Variants in PSMA7 observed in about 807,000 individuals in gnomAD.
PSMA7 encodes the protein proteasome subunit alpha type-7.
PSMA7 carries 5 observed loss-of-function variants against 31.3 expected under a neutral mutation model. The observed-to-expected ratio is 0.16, with a 90% CI of 0.08 to 0.34. The LOEUF (loss-of-function observed/expected upper bound fraction) is 0.34, where lower values mean the gene tolerates loss of function less well. PSMA7 is among the 10% of genes least tolerant of loss of function. PSMA7 has a pLI of 1.00. For synonymous variants in PSMA7, 155 were observed against 121.9 expected, an observed-to-expected ratio of 1.27 and a Z score of -1.79; for missense variants, 217 against 327.5, an observed-to-expected ratio of 0.66 and a Z score of 2.60.
chr20:62,138,161 G>A lies in PSMA7; in HGVS notation c.591+10C>T. 1.2e-6 allele frequency: 2 copies of A among 1,614,092 alleles called. No individual in the cohort carries two copies. The highest frequency in any genetic ancestry group is 1.7e-5 in the Admixed American group (1 of 60,028). ...TCACCACCTTGCCTGGATTCCAAAT[G>A]CAAACTTACTTCCAGGAGTGCCTTG... is the stretch of plus-strand genomic sequence containing the variant. On this transcript the variant is annotated intron_variant, in intron 5 of 6. Transcript: ENST00000370873.
chr20:62,140,115 C>T (rs867679043), intron 2 of PSMA7, among the ~76,000 whole-genome samples: 7 of 152,128 alleles, frequency 4.6e-5, no homozygotes, highest in Admixed American at 6.5e-5. Context: ...GGTGGTATCC[C>T]GCTAAACTCA....
Position 62,143,386 on chromosome 20 carries a change from C to CAGTGATTCTTTAAATAGTATTCCAGTGTT in PSMA7, c.-84_-83insAACACTGGAATACTATTTAAAGAATCACT. ...GCCCGCGCGCACCCGCGACTCCCGG[C>CAGTGATTCTTTAAATAGTATTCCAGTGTT]GCCACTACGCCCGCGCCCCACCCTC... is the stretch of plus-strand genomic sequence containing the variant. On this transcript the variant is annotated 5_prime_UTR_variant, in exon 1 of 7. Transcript: ENST00000370873. 1.3e-6 allele frequency: 1 copy of CAGTGATTCTTTAAATAGTATTCCAGTGTT among 751,342 alleles called. No homozygotes were observed. Among genetic ancestry groups the CAGTGATTCTTTAAATAGTATTCCAGTGTT allele is most frequent in the Non-Finnish European group, 1.7e-6 (1 of 571,440 alleles). The allele number at this position is 751,342 out of a possible 1,614,324, so 46.5% of individuals were successfully genotyped here. A position where few individuals can be genotyped will look rare whatever the true frequency, so the allele number is the denominator to read the frequency against.
intron 2 of PSMA7, among the ~76,000 whole-genome samples, chr20:62,140,391 A>G (rs772692679): frequency 1.3e-5 from 2 of 152,242 alleles, no homozygotes; most frequent in Non-Finnish European, 2.9e-5. Flanking sequence ...AGGAGAAATG[A>G]GCAAGACCAA....
At chr20:62,142,817 T>C (rs1179754329) in intron 1 of PSMA7, among the ~76,000 whole-genome samples, 1 of 151,786 alleles carries the variant, frequency 6.6e-6, no homozygotes, top group Admixed American at 6.6e-5. Context: ...GCGCACGGCC[T>C]ACCCCCCGCG....
chr20:62,140,713 C>T, intron 2 of PSMA7, 105 bp downstream of exon 2: 4 of 1,337,204 alleles, frequency 3.0e-6, no homozygotes, highest in Non-Finnish European at 4.1e-6. Flanking sequence ...TTCATTTACT[C>T]AGTTTATATG....
intron 1 of PSMA7, among the ~76,000 whole-genome samples, chr20:62,141,565 A>G (rs1199510088): frequency 6.6e-6 from 1 of 152,260 alleles, no homozygotes; most frequent in Non-Finnish European, 1.5e-5. Context: ...GTAAGTAACC[A>G]TTATATAATC....
chr20:62,138,838 G>C (rs912929062), intron 4 of PSMA7, among the ~76,000 whole-genome samples: 27 of 152,166 alleles, frequency 1.8e-4, no homozygotes, highest in South Asian at 6.2e-4. Flanking sequence ...GATTACAGGC[G>C]TGAGTCACCA....
At chr20:62,138,410 G>A (rs1451498955) in intron 4 of PSMA7, 120 bp from the exon 5 acceptor site, 50 of 1,321,980 alleles carry the variant, frequency 3.8e-5, no homozygotes, top group Non-Finnish European at 5.0e-5. Flanking sequence ...GCAAGCTGGA[G>A]TGCTGGACAG....
chr20:62,142,979 C>G (rs1482805495), intron 1 of PSMA7, among the ~76,000 whole-genome samples: 1 of 150,164 alleles, frequency 6.7e-6, no homozygotes, highest in Non-Finnish European at 1.5e-5. Context: ...AAGCGAGGCG[C>G]TGAGTGGGGA....
intron 2 of PSMA7, among the ~76,000 whole-genome samples, 191 bp from the exon 3 acceptor site, chr20:62,140,096 G>A (rs1327345016): frequency 2.6e-5 from 4 of 152,182 alleles, no homozygotes; most frequent in African/African-American, 9.7e-5. Context: ...GCTTCTTGAT[G>A]TGCAGTGGGG....
intron 1 of PSMA7, among the ~76,000 whole-genome samples, chr20:62,142,144 G>C (rs2056933572): frequency 6.6e-6 from 1 of 152,186 alleles, no homozygotes; most frequent in Non-Finnish European, 1.5e-5. Flanking sequence ...GTATTGATCT[G>C]AAGTGTTTGG....
At chr20:62,141,582 T>C (rs1379949054) in intron 1 of PSMA7, among the ~76,000 whole-genome samples, 1 of 152,228 alleles carries the variant, frequency 6.6e-6, no homozygotes, top group Non-Finnish European at 1.5e-5. Flanking sequence ...AATCGGCATG[T>C]GTTTCCTTTC....
chr20:62,138,850 G>C (rs3827118), intron 4 of PSMA7, among the ~76,000 whole-genome samples: 1 of 152,030 alleles, frequency 6.6e-6, no homozygotes, highest in Non-Finnish European at 1.5e-5. Flanking sequence ...GAGTCACCAC[G>C]CCCACCCAAG....
At position 62,143,266 on chromosome 20, in the gene PSMA7, T is replaced by C; in HGVS notation, c.38A>G (p.Asp13Gly). The change falls in exon 1 of 7, where the codon GAC (aspartate) becomes GGC (glycine). Residue 13 changes from aspartate (D) to glycine (G), a missense_variant. Asp to Gly is a moderately conservative substitution (Grantham distance 94). Coordinates refer to ENST00000370873, the MANE Select transcript of PSMA7 (RefSeq NM_002792.4). ...YDRAITVFSP[D>G]GHLFQVEYAQ... Reference sequence around the variant, plus strand: ...GTACTCCACTTGGAAGAGGTGGCCGTCGGGCGAGAAGACGGTGATGGCGCG... The same window carrying C: ...GTACTCCACTTGGAAGAGGTGGCCGCCGGGCGAGAAGACGGTGATGGCGCG... 2 of 1,461,914 alleles carry C rather than the reference T, an allele frequency of 1.4e-6. No individual in the cohort carries two copies. The highest frequency in any genetic ancestry group is 1.8e-6 in the Non-Finnish European group (2 of 1,097,542). The allele number at this position is 1,461,914 out of a possible 1,614,324, so 90.6% of individuals were successfully genotyped here. A position where few individuals can be genotyped will look rare whatever the true frequency, so the allele number is the denominator to read the frequency against.
chr20:62,138,297 C>T lies in PSMA7; in HGVS notation c.472-7G>A, dbSNP rs757857525. ...CCCGACCTATGGCATTGGCCTAAAA[C>T]AGACACGTATGTTCTCACGTGGCAT... is the stretch of plus-strand genomic sequence containing the variant. On this transcript the variant is annotated splice_polypyrimidine_tract_variant and splice_region_variant and intron_variant, in intron 4 of 6. Coordinates refer to ENST00000370873, the MANE Select transcript of PSMA7 (RefSeq NM_002792.4). The T allele has an allele frequency of 1.2e-6, 2 of 1,601,232 alleles. No individual in the cohort carries two copies. Among genetic ancestry groups the T allele is most frequent in the Non-Finnish European group, 1.7e-6 (2 of 1,172,804 alleles).
At chr20:62,142,026 C>A (rs1247344579) in intron 1 of PSMA7, among the ~76,000 whole-genome samples, 1 of 152,262 alleles carries the variant, frequency 6.6e-6, no homozygotes, top group Non-Finnish European at 1.5e-5. Flanking sequence ...CGTCCCTGGC[C>A]TCTACCCTCC....
intron 3 of PSMA7, 95 bp from the exon 4 acceptor site, chr20:62,139,292 T>C (rs1037706297): frequency 1.2e-4 from 168 of 1,452,806 alleles, no homozygotes; most frequent in Non-Finnish European, 1.5e-4. Context: ...TTTTAAACCA[T>C]GCCTGAGCCC....
chr20:62,141,499 G>C (rs2056927241), intron 1 of PSMA7, among the ~76,000 whole-genome samples: 1 of 152,224 alleles, frequency 6.6e-6, no homozygotes, highest in Admixed American at 6.5e-5. Context: ...GCTCACCTAG[G>C]TGCCCAACCT....
At chr20:62,140,478 G>A (rs770809636) in intron 2 of PSMA7, among the ~76,000 whole-genome samples, 1 of 152,240 alleles carries the variant, frequency 6.6e-6, no homozygotes, top group Non-Finnish European at 1.5e-5. Flanking sequence ...ATGGCAGGAC[G>A]TGGTTCTGTC....
Sources: gnomAD v4.1 joint callset for allele counts (sites outside exome capture counted in the v4.1 genomes callset) on GRCh38, gnomAD v4.1.1 for gene constraint, MANE v1.5 for transcripts, NCBI Gene and HGNC (gene_info 2026-07-23, HGNC 2026-07-21) for gene names.